FBXL20: variants seen among roughly 807,000 people sequenced by gnomAD.
The protein encoded by FBXL20 is F-box and leucine rich repeat protein 20.
In FBXL20, 11 loss-of-function variants were observed where a neutral mutation model predicts 64.0. The observed-to-expected ratio is 0.17, with a 90% CI of 0.11 to 0.28. The LOEUF (loss-of-function observed/expected upper bound fraction) is 0.28, where lower values mean the gene tolerates loss of function less well. Among genes scored for constraint, FBXL20 ranks in the 10% least tolerant of loss-of-function variants. FBXL20 has a pLI of 1.00. For synonymous variants in FBXL20, 184 were observed against 189.0 expected, an observed-to-expected ratio of 0.97 and a Z score of 0.22; for missense variants, 303 against 526.2, an observed-to-expected ratio of 0.58 and a Z score of 4.15.
At chr17:39,354,770 A>G (rs898904704) in intron 1 of FBXL20, among the ~76,000 whole-genome samples, 2 of 152,240 alleles carry the variant, frequency 1.3e-5, no homozygotes, top group Non-Finnish European at 2.9e-5. Context: ...CATTTAGCAA[A>G]TAAGATATGA....
chr17:39,270,370 C>G (rs2046833308), intron 11 of FBXL20, among the ~76,000 whole-genome samples: 1 of 151,980 alleles, frequency 6.6e-6, no homozygotes, highest in African/African-American at 2.4e-5. Flanking sequence ...ATGGTGAAAC[C>G]CTGTCTCTAC....
intron 3 of FBXL20, 36 bp from the exon 4 acceptor site, chr17:39,301,111 C>T: frequency 6.3e-7 from 1 of 1,588,812 alleles, no homozygotes; most frequent in Non-Finnish European, 8.6e-7. Flanking sequence ...TGAGCAGAAG[C>T]TAAAATTAAG....
At chr17:39,320,257 AT>A (rs1271972456) in intron 2 of FBXL20, among the ~76,000 whole-genome samples, 10 of 151,646 alleles carry the variant, frequency 6.6e-5, no homozygotes, top group Non-Finnish European at 1.5e-4. Flanking sequence ...ATCAACTTAA[AT>A]TTTTTTGGTA....
At chr17:39,290,694 G>T (rs1238422471) in intron 6 of FBXL20, among the ~76,000 whole-genome samples, 1 of 151,770 alleles carries the variant, frequency 6.6e-6, no homozygotes, top group Non-Finnish European at 1.5e-5. Flanking sequence ...CCTCCGAGTA[G>T]ATAGGAACAC....
chr17:39,361,882 G>A (rs1160980114), intron 1 of FBXL20, among the ~76,000 whole-genome samples: 7 of 151,218 alleles, frequency 4.6e-5, no homozygotes, highest in East Asian at 2.0e-4. Flanking sequence ...AGGACTGCCC[G>A]AGCCCCGGAG....
At chr17:39,274,863 A>G in intron 10 of FBXL20, 107 bp downstream of exon 10, 1 of 1,436,960 alleles carries the variant, frequency 7.0e-7, no homozygotes. Context: ...TTAAAATTTC[A>G]AAGCGTCTGC....
At chr17:39,385,708 G>A (rs1484106733) in intron 1 of FBXL20, among the ~76,000 whole-genome samples, 7 of 152,142 alleles carry the variant, frequency 4.6e-5, no homozygotes, top group Admixed American at 4.6e-4. Flanking sequence ...AAAACTACAA[G>A]AAAGTTAACT....
intron 1 of FBXL20, among the ~76,000 whole-genome samples, chr17:39,398,786 T>C (rs2048212463): frequency 2.6e-5 from 4 of 151,980 alleles, no homozygotes; most frequent in African/African-American, 9.7e-5. Flanking sequence ...GTGATTCTCC[T>C]GCCTCAGCCT....
At chr17:39,340,020 C>T (rs1678925447) in intron 2 of FBXL20, among the ~76,000 whole-genome samples, 1 of 152,092 alleles carries the variant, frequency 6.6e-6, no homozygotes, top group African/African-American at 2.4e-5. Flanking sequence ...ACCTCTGCCT[C>T]CCAAGGTTCA....
chr17:39,374,763 C>A (rs528315778), intron 1 of FBXL20, among the ~76,000 whole-genome samples: 1 of 151,954 alleles, frequency 6.6e-6, no homozygotes, highest in Non-Finnish European at 1.5e-5. Flanking sequence ...AGAATTTAAG[C>A]GGACAGCTCA....
At chr17:39,314,202 G>A (rs2047263198) in intron 2 of FBXL20, among the ~76,000 whole-genome samples, 1 of 152,088 alleles carries the variant, frequency 6.6e-6, no homozygotes, top group Non-Finnish European at 1.5e-5. Flanking sequence ...AGACTTTTGT[G>A]TTGGCTTTCA....
At chr17:39,341,760 G>A (rs956219208) in intron 2 of FBXL20, among the ~76,000 whole-genome samples, 6 of 152,046 alleles carry the variant, frequency 3.9e-5, no homozygotes, top group African/African-American at 9.7e-5. Context: ...CCTCAGCCTT[G>A]GAGAAAAAAA....
At chr17:39,401,848 G>A, upstream of FBXL20, 1 of 435,734 alleles carries the variant, frequency 2.3e-6, no homozygotes, top group Non-Finnish European at 3.4e-6. Context: ...GACCCCCTGC[G>A]CCTCCGAGGC....
chr17:39,330,336 A>G (rs944524256), intron 2 of FBXL20, among the ~76,000 whole-genome samples: 1 of 148,888 alleles, frequency 6.7e-6, no homozygotes, highest in African/African-American at 2.5e-5. Context: ...AAAATAGGCC[A>G]GGTGCAGTGG....
At chr17:39,285,341 A>G (rs1215286524) in intron 7 of FBXL20, 137 bp downstream of exon 7, 1 of 493,844 alleles carries the variant, frequency 2.0e-6, no homozygotes, top group Non-Finnish European at 3.4e-6. Context: ...GGCAAGTGGT[A>G]AAACAAATTA....
chr17:39,295,524 G>A (rs2047076065), intron 6 of FBXL20, among the ~76,000 whole-genome samples: 1 of 152,068 alleles, frequency 6.6e-6, no homozygotes, highest in South Asian at 2.1e-4. Context: ...CAAGGTGCTA[G>A]GATTATAGAC....
In FBXL20 at chr17:39,260,451, TCA is replaced by T. The variant is rs1486140940; in HGVS notation, c.*1007_*1008del. ...AATATTGGGGATACCATGCGAATTA[TCA>T]CATATCAGAAGATAAAATAGAAACC... On this transcript the variant is annotated 3_prime_UTR_variant, in exon 15 of 15. Coordinates refer to ENST00000264658, the MANE Select transcript of FBXL20 (RefSeq NM_032875.3). 2 of 152,170 alleles carry T rather than the reference TCA, an allele frequency of 1.3e-5. No homozygotes were observed. Among genetic ancestry groups the T allele is most frequent in the African/African-American group, 4.8e-5 (2 of 41,440 alleles). The allele number at this position is 152,170 out of a possible 1,614,324, so 9.4% of individuals were successfully genotyped here.
chr17:39,401,388 C>G lies in FBXL20; in HGVS notation c.15G>C (p.Val5=). Residue 5 remains valine, a synonymous_variant, in exon 1 of 15, where the codon GTG becomes GTC. Coordinates refer to ENST00000264658, the MANE Select transcript of FBXL20 (RefSeq NM_032875.3). MRRD[V]NGVTKSRFEM... ...CAAACCTGCTCTTGGTCACTCCGTT[C>G]ACGTCCCTCCTCATGGGGCCGGCGG... The G allele has an allele frequency of 5.6e-6, 9 of 1,611,358 alleles. No individual in the cohort carries two copies. The highest frequency in any genetic ancestry group is 1.3e-5 in the African/African-American group (1 of 74,894).
intron 1 of FBXL20, among the ~76,000 whole-genome samples, chr17:39,387,579 T>A (rs1234937961): frequency 8.3e-6 from 1 of 119,882 alleles, no homozygotes; most frequent in African/African-American, 4.2e-5. Context: ...GCGCCCAATC[T>A]TTTTTTTTTT....
Sources: allele counts gnomAD v4.1 joint callset (sites outside exome capture counted in the v4.1 genomes callset), GRCh38; gene constraint gnomAD v4.1.1; transcripts MANE v1.5; gene names NCBI Gene and HGNC (gene_info 2026-07-23, HGNC 2026-07-21).